Variants in ITIH6 observed in about 807,000 individuals in gnomAD.
ITIH6 encodes the protein inter-alpha-trypsin inhibitor heavy chain H6.
Under a neutral mutation model 58.2 loss-of-function variants are expected in ITIH6, and 60 were observed. That is an observed-to-expected ratio of 1.03 (90% confidence interval 0.84 to 1.28). ITIH6 has a LOEUF of 1.28. ITIH6 is among the 50% of genes most tolerant of loss of function. The pLI is 0.00. For missense variants in ITIH6, 1,290 were observed against 1,021.1 expected (o/e 1.26, Z -3.59); for synonymous variants, 493 against 417.4 (o/e 1.18, Z -2.21).
At chrX:54,768,782 C>T (rs1169096516) in intron 6 of ITIH6, among the ~76,000 whole-genome samples, 3 of 101,620 alleles carry the variant, frequency 3.0e-5, no homozygotes, top group Non-Finnish European at 3.9e-5. Flanking sequence ...TTGAGGGTAA[C>T]CCGACCTTTC....
At chrX:54,790,414 T>C (rs1929321870) in intron 4 of ITIH6, among the ~76,000 whole-genome samples, 2 of 112,358 alleles carry the variant, frequency 1.8e-5, no homozygotes, top group African/African-American at 6.5e-5. Context: ...GGGCCTGAGA[T>C]GGTGTCCTCC....
chrX:54,763,909 T>A (rs1022753744), intron 6 of ITIH6, among the ~76,000 whole-genome samples: 2 of 112,395 alleles, frequency 1.8e-5, no homozygotes, highest in Non-Finnish European at 3.8e-5. Flanking sequence ...CCCTTTACCA[T>A]TATATTTGTT....
chrX:54,783,427 T>C (rs769285206), intron 5 of ITIH6, among the ~76,000 whole-genome samples: 2 of 112,271 alleles, frequency 1.8e-5, no homozygotes, highest in African/African-American at 3.2e-5. Context: ...TATGATCTTA[T>C]ACTTGGAAAA....
chrX:54,785,794 G>A (rs752640942), intron 5 of ITIH6, among the ~76,000 whole-genome samples: 1 of 111,611 alleles, frequency 9.0e-6, no homozygotes, highest in South Asian at 3.8e-4. Flanking sequence ...CTGGGGCTCT[G>A]GGCAGCTGTG....
chrX:54,761,770 G>A (rs1928650709), intron 6 of ITIH6, among the ~76,000 whole-genome samples: 1 of 111,076 alleles, frequency 9.0e-6, no homozygotes, highest in Non-Finnish European at 1.9e-5. Context: ...TTATTTCTGA[G>A]GGCTCTGTTC....
chrX:54,767,283 T>C (rs1396015897), intron 6 of ITIH6, among the ~76,000 whole-genome samples: 9 of 107,078 alleles, frequency 8.4e-5, no homozygotes, highest in Non-Finnish European at 1.7e-4. Context: ...TCTCTCTTTT[T>C]TTCTTTATTA....
intron 2 of ITIH6, among the ~76,000 whole-genome samples, chrX:54,795,775 T>C (rs770418738): frequency 8.9e-6 from 1 of 111,958 alleles, no homozygotes; most frequent in South Asian, 3.7e-4. Context: ...AAACCCACCA[T>C]TGTCTTCTGG....
chrX:54,783,614 G>C (rs1207577459), intron 5 of ITIH6, among the ~76,000 whole-genome samples: 2 of 111,485 alleles, frequency 1.8e-5, no homozygotes, highest in African/African-American at 6.5e-5. Flanking sequence ...TAAACACTAG[G>C]AATTAACTTA....
chrX:54,763,019 G>T (rs909715796), intron 6 of ITIH6, among the ~76,000 whole-genome samples: 2 of 112,045 alleles, frequency 1.8e-5, no homozygotes, highest in East Asian at 2.8e-4. Context: ...GTGGGTGCTT[G>T]CTTAAGGTCA....
Position 54,752,851 on chromosome X carries a change from T to C in ITIH6, c.3352+800A>G, listed in dbSNP as rs1011568923. On this transcript the variant is annotated intron_variant, in intron 11 of 12. Transcript: ENST00000218436. The stretch of plus-strand genomic sequence containing the variant: ...AATCAAAGCAATGGCTACCAAGAGG[T>C]AGAAGTGGTTCATTCAAAGCAAAAG... Among the ~76,000 whole-genome samples, 4 of 112,067 alleles carry C rather than the reference T, an allele frequency of 3.6e-5. No individual in the cohort carries two copies. In the East Asian group the frequency reaches 1.1e-3, roughly 31 times the overall value.
chrX:54,753,970 A>T lies in ITIH6; in HGVS notation c.3203-5T>A, dbSNP rs1323366874. 8.3e-7 allele frequency: 1 copy of T among 1,208,013 alleles called. No individual in the cohort carries two copies. On this transcript the variant is annotated splice_region_variant and splice_polypyrimidine_tract_variant and intron_variant, in intron 9 of 12. Transcript: ENST00000218436. ...TGAAGATGCTAGGCAATGTGCCTGC[A>T]AAGGAGAGAGAGACTGTGTTGGGAA...
intron 4 of ITIH6, among the ~76,000 whole-genome samples, chrX:54,790,331 C>T (rs1336894878): frequency 8.9e-6 from 1 of 111,919 alleles, no homozygotes; most frequent in Non-Finnish European, 1.9e-5. Flanking sequence ...CTGATGTAGC[C>T]AGTCTGGGCT....
chrX:54,752,839 G>T (rs1455903011), intron 11 of ITIH6, among the ~76,000 whole-genome samples: 2 of 112,320 alleles, frequency 1.8e-5, no homozygotes, highest in Non-Finnish European at 3.8e-5. Context: ...CAAAGCAATG[G>T]CTACCAAGAG....
intron 5 of ITIH6, among the ~76,000 whole-genome samples, chrX:54,777,579 C>G (rs1415275493): frequency 1.8e-5 from 2 of 111,636 alleles, no homozygotes; most frequent in Admixed American, 9.5e-5. Flanking sequence ...TGTCAATACA[C>G]CCCCTGCTTC....
chrX:54,752,295 G>A (rs768260559), intron 11 of ITIH6, among the ~76,000 whole-genome samples: 6 of 112,019 alleles, frequency 5.4e-5, no homozygotes, highest in Non-Finnish European at 1.1e-4. Flanking sequence ...TTTGAAAAGA[G>A]CCCCTATCAG....
rs776864226 is a variant in ITIH6, at chrX:54,759,003, T to C, written c.1076-5A>G. ...GAGCTGAGTTGACGTCTGTCCCTAA[T>C]TGGGGAATAGATTGTGAGACCATCT... On this transcript the variant is annotated splice_region_variant and splice_polypyrimidine_tract_variant and intron_variant, in intron 7 of 12. Coordinates refer to ENST00000218436, the MANE Select transcript of ITIH6 (RefSeq NM_198510.3). The C allele has an allele frequency of 8.8e-7, 1 of 1,130,130 alleles. No individual in the cohort carries two copies. The highest frequency in any genetic ancestry group is 1.2e-6 in the Non-Finnish European group (1 of 848,109). The allele number at this position is 1,130,130 out of a possible 1,213,427, so 93.1% of individuals were successfully genotyped here.
At position 54,759,868 on chromosome X, in the gene ITIH6, G is replaced by A. The variant is rs192964665; in HGVS notation, c.963C>T (p.Ile321=). 8.3e-7 allele frequency: 1 copy of A among 1,208,265 alleles called. No individual in the cohort carries two copies. Among genetic ancestry groups the A allele is most frequent in the African/African-American group, 1.7e-5 (1 of 57,318 alleles). The change falls in exon 7 of 13, where the codon ATC becomes ATT. Residue 321 remains isoleucine, a synonymous_variant. Coordinates refer to ENST00000218436, the MANE Select transcript of ITIH6 (RefSeq NM_198510.3). ...SDLQANDYFN[I]ISFSDTVNVW... The stretch of plus-strand genomic sequence containing the variant: ...CATTAACTGTGTCAGAAAAGGAGAT[G>A]ATGTTGAAGTAGTCATTGGCTTGAA...
In ITIH6 at chrX:54,757,390, G is replaced by A; in HGVS notation, c.2684C>T (p.Pro895Leu). The A allele has an allele frequency of 8.3e-7, 1 of 1,210,469 alleles. No individual in the cohort carries two copies. The highest frequency in any genetic ancestry group is 1.1e-6 in the Non-Finnish European group (1 of 894,824). Residue 895 changes from proline (P) to leucine (L), a missense_variant, in exon 8 of 13, where the codon CCC (proline) becomes CTC (leucine). Coordinates refer to ENST00000218436, the MANE Select transcript of ITIH6 (RefSeq NM_198510.3). ...TGTGCTTAGGCTCTCAGGAAGTGGG[G>A]GCCTTGGTCTGTCAGGTCTAGGAGG... is the stretch of plus-strand genomic sequence containing the variant. ...PLPPRPDRPR[P>L]PLPESLSTFP...
chrX:54,765,557 G>C (rs147549674), intron 6 of ITIH6, among the ~76,000 whole-genome samples: 1,896 of 107,852 alleles, frequency 0.018, 38 homozygotes, highest in African/African-American at 0.059. Context: ...GTTTGTCAAA[G>C]ATCAGATAGT....
Sources: allele counts gnomAD v4.1 joint callset (sites outside exome capture counted in the v4.1 genomes callset), GRCh38; gene constraint gnomAD v4.1.1; transcripts MANE v1.5; gene names NCBI Gene and HGNC (gene_info 2026-07-23, HGNC 2026-07-21).